NUDT9: variants seen among roughly 807,000 people sequenced by gnomAD.
NUDT9 encodes the protein ADP-ribose pyrophosphatase.
NUDT9 carries 31 observed loss-of-function variants against 41.0 expected under a neutral mutation model. The ratio of observed to expected loss-of-function variants is 0.76; its 90% CI spans 0.57 to 1.02. The LOEUF (loss-of-function observed/expected upper bound fraction) is 1.02. NUDT9 is among the 50% of genes least tolerant of loss of function. The pLI is 0.00. For synonymous variants in NUDT9, 146 were observed against 147.6 expected, an observed-to-expected ratio of 0.99 and a Z score of 0.08; for missense variants, 380 against 431.4, an observed-to-expected ratio of 0.88 and a Z score of 1.06.
intron 1 of NUDT9, among the ~76,000 whole-genome samples, chr4:87,430,097 C>T (rs919460882): frequency 6.6e-6 from 1 of 152,110 alleles, no homozygotes; most frequent in African/African-American, 2.4e-5. Context: ...AAAAAATGGC[C>T]TGGCCGTGAT....
chr4:87,435,128 G>T lies in NUDT9; in HGVS notation c.255G>T (p.Val85=). Residue 85 remains valine, a synonymous_variant, in exon 2 of 8, where the codon GTG becomes GTT. Transcript: ENST00000302174. ...GAAGCCAGGTTCCTAATGAGAAAGT[G>T]GGCTGGCTTGTTGAGTGGCAAGACT... is the stretch of plus-strand genomic sequence containing the variant. The part of the protein sequence containing the change: ...VERSQVPNEK[V]GWLVEWQDYK... The T allele has an allele frequency of 6.2e-7, 1 of 1,614,206 alleles. No homozygotes were observed. Among genetic ancestry groups the T allele is most frequent in the Non-Finnish European group, 8.5e-7 (1 of 1,180,032 alleles).
chr4:87,429,005 C>T (rs984844600), intron 1 of NUDT9, among the ~76,000 whole-genome samples: 22 of 152,190 alleles, frequency 1.4e-4, no homozygotes, highest in African/African-American at 4.3e-4. Context: ...GAATTGTACA[C>T]GTAAAATTCA....
chr4:87,424,254 GTTT>G (rs147874067), intron 1 of NUDT9, among the ~76,000 whole-genome samples: 67 of 99,172 alleles, frequency 6.8e-4, no homozygotes, highest in Middle Eastern at 6.4e-3. Context: ...TCCCTAATGC[GTTT>G]TTTTTTTTTT....
At chr4:87,451,984 A>G (rs555725254) in intron 6 of NUDT9, among the ~76,000 whole-genome samples, 3 of 152,006 alleles carry the variant, frequency 2.0e-5, no homozygotes, top group Non-Finnish European at 4.4e-5. Context: ...TTATTATAAT[A>G]ACTTTTTTCT....
At chr4:87,452,445 C>T (rs1026099126) in intron 6 of NUDT9, among the ~76,000 whole-genome samples, 4 of 151,934 alleles carry the variant, frequency 2.6e-5, no homozygotes, top group Admixed American at 2.0e-4. Flanking sequence ...ATTTAAGTCT[C>T]ATGTCTGTTT....
rs1435011521 is a variant in NUDT9, at chr4:87,435,338, TA to T, written c.347+120del. The T allele has an allele frequency of 6.9e-5, 81 of 1,166,916 alleles. No homozygotes were observed. In the African/African-American group the frequency reaches 1.1e-3, roughly 16 times the overall value. The allele number at this position is 1,166,916 out of a possible 1,614,324, so 72.3% of individuals were successfully genotyped here. On this transcript the variant is annotated intron_variant, in intron 2 of 7. Coordinates refer to ENST00000302174, the MANE Select transcript of NUDT9 (RefSeq NM_024047.5). ...TTTCAATCTATGCTTAGCTGTGTTA[TA>T]ACTCAGTTTCCACATTTGCTTGAAT...
Position 87,427,644 on chromosome 4 carries a change from T to C in NUDT9, c.107+4632T>C, listed in dbSNP as rs575378758. Among the ~76,000 whole-genome samples the C allele has an allele frequency of 5.3e-5, 8 of 152,350 alleles. No individual in the cohort carries two copies. The East Asian group carries it at 1.5e-3, about 29-fold the overall frequency. On this transcript the variant is annotated intron_variant, in intron 1 of 7. Coordinates refer to ENST00000302174, the MANE Select transcript of NUDT9 (RefSeq NM_024047.5). ...GTAGATTTGTGGAATTCCATAAACATTTTATTGCTAAATCAGGGAACAAAG... is the reference window on the plus strand; with the variant it reads ...GTAGATTTGTGGAATTCCATAAACACTTTATTGCTAAATCAGGGAACAAAG...
intron 1 of NUDT9, among the ~76,000 whole-genome samples, chr4:87,429,394 T>A (rs1271887795): frequency 6.6e-6 from 1 of 152,036 alleles, no homozygotes; most frequent in African/African-American, 2.4e-5. Flanking sequence ...CTTCAAGCAG[T>A]CCCCCTGCCT....
chr4:87,444,511 C>G (rs537976221), intron 4 of NUDT9, among the ~76,000 whole-genome samples: 1 of 152,082 alleles, frequency 6.6e-6, no homozygotes, highest in Non-Finnish European at 1.5e-5. Flanking sequence ...GTTAGAACCT[C>G]TATGGTTTAA....
At chr4:87,435,701 TGA>T (rs1204160607) in intron 2 of NUDT9, among the ~76,000 whole-genome samples, 2 of 151,164 alleles carry the variant, frequency 1.3e-5, no homozygotes, top group African/African-American at 4.9e-5. Context: ...TAAAGGGGAG[TGA>T]GAGGGGGAGA....
At chr4:87,456,067 G>A (rs1284954356) in intron 7 of NUDT9, among the ~76,000 whole-genome samples, 2 of 152,136 alleles carry the variant, frequency 1.3e-5, no homozygotes, top group African/African-American at 4.8e-5. Flanking sequence ...GTTAGGCTGT[G>A]TTTTTTGTTT....
chr4:87,438,768 G>C (rs1347683522), intron 3 of NUDT9, among the ~76,000 whole-genome samples: 1 of 152,030 alleles, frequency 6.6e-6, no homozygotes, highest in African/African-American at 2.4e-5. Context: ...CAATAATTCG[G>C]GTCTTTCTAT....
chr4:87,457,676 C>A (rs1165820260), intron 7 of NUDT9, among the ~76,000 whole-genome samples, 167 bp from the exon 8 acceptor site: 1 of 151,570 alleles, frequency 6.6e-6, no homozygotes, highest in African/African-American at 2.4e-5. Flanking sequence ...AGTTTTTTTT[C>A]TTTTATTCAT....
At chr4:87,434,303 C>A (rs1377506339) in intron 1 of NUDT9, 1 of 152,106 alleles carries the variant, frequency 6.6e-6, no homozygotes, top group East Asian at 1.9e-4. Flanking sequence ...CTTAGCCTCC[C>A]AAAGTGCTGG....
At chr4:87,428,375 T>C (rs1721528246) in intron 1 of NUDT9, among the ~76,000 whole-genome samples, 1 of 152,198 alleles carries the variant, frequency 6.6e-6, no homozygotes. Flanking sequence ...TCACACTCTT[T>C]GGTATTTACC....
rs867934419 is a variant in NUDT9 at position 87,445,115 on chromosome 4, A to G, written c.530+3200A>G. On this transcript the variant is annotated intron_variant, in intron 4 of 7. Transcript: ENST00000302174. The stretch of plus-strand genomic sequence containing the variant: ...TGTCAGTGCTATCATTAGTTTTTCT[A>G]TTTGTTTTTCACAGAAGCCCCTCCA... Among the ~76,000 whole-genome samples the G allele has an allele frequency of 1.6e-4, 24 of 152,124 alleles. 1 individual carries two copies. The highest frequency in any genetic ancestry group is 5.5e-4 in the African/African-American group (23 of 41,514).
chr4:87,434,596 A>C (rs1271872399), intron 1 of NUDT9, among the ~76,000 whole-genome samples: 3 of 151,912 alleles, frequency 2.0e-5, no homozygotes, highest in African/African-American at 4.8e-5. Context: ...TGAAATTGGA[A>C]AGTATGTTTT....
chr4:87,443,573 A>G (rs1330791999), intron 4 of NUDT9, among the ~76,000 whole-genome samples: 2 of 152,212 alleles, frequency 1.3e-5, no homozygotes, highest in Non-Finnish European at 2.9e-5. Context: ...AACATGTTAA[A>G]TGTGATCAAA....
At position 87,435,957 on chromosome 4, in the gene NUDT9, A is replaced by T. The variant is rs969549163; in HGVS notation, c.347+737A>T. Among the ~76,000 whole-genome samples the T allele has an allele frequency of 1.8e-4, 28 of 152,174 alleles. 1 individual carries two copies. Reference sequence around the variant, plus strand: ...TGTGTGTGTAGTGAGAAGAGTTGAGATCCACTCTCAGCGAGTTTCAAGTAT... The same window carrying T: ...TGTGTGTGTAGTGAGAAGAGTTGAGTTCCACTCTCAGCGAGTTTCAAGTAT... On this transcript the variant is annotated intron_variant, in intron 2 of 7. Transcript: ENST00000302174.
Sources: allele counts gnomAD v4.1 joint callset (sites outside exome capture counted in the v4.1 genomes callset), GRCh38; gene constraint gnomAD v4.1.1; transcripts MANE v1.5; gene names NCBI Gene and HGNC (gene_info 2026-07-23, HGNC 2026-07-21).